The following L3MBTL1 variants were observed in gnomAD, a reference collection of about 807,000 sequenced individuals.
L3MBTL1 encodes lethal(3)malignant brain tumor-like protein 1.
L3MBTL1 carries 75 observed loss-of-function variants against 105.3 expected under a neutral mutation model. The observed-to-expected ratio is 0.71, with a 90% confidence interval of 0.59 to 0.86. The LOEUF (loss-of-function observed/expected upper bound fraction) is 0.86, where lower values mean the gene tolerates loss of function less well. Among genes scored for constraint, L3MBTL1 ranks in the 40% least tolerant of loss-of-function variants. The probability of loss-of-function intolerance (pLI) is 0.00; values close to 1 mark genes in which losing one functional copy is unlikely to be tolerated. For synonymous variants in L3MBTL1, 452 were observed against 436.2 expected (o/e 1.04, Z -0.45); for missense variants, 1,069 against 1,126.4 (o/e 0.95, Z 0.73).
chr20:43,525,464 C>T (rs749361253), intron 7 of L3MBTL1, among the ~76,000 whole-genome samples: 14 of 152,198 alleles, frequency 9.2e-5, no homozygotes, highest in Non-Finnish European at 1.5e-4. Flanking sequence ...ACAGTAGACT[C>T]AGCCACTTGG....
intron 7 of L3MBTL1, among the ~76,000 whole-genome samples, chr20:43,518,922 AG>A (rs2018555977): frequency 7.2e-6 from 1 of 139,480 alleles, no homozygotes; most frequent in African/African-American, 2.6e-5. Flanking sequence ...GCTACTCGGG[AG>A]GCTGAGGCAG....
chr20:43,518,683 C>T (rs1158151955), intron 7 of L3MBTL1, among the ~76,000 whole-genome samples: 1 of 151,540 alleles, frequency 6.6e-6, no homozygotes, highest in African/African-American at 2.4e-5. Context: ...GTTTTTTTTC[C>T]TATCCATACC....
intron 3 of L3MBTL1, chr20:43,514,335 G>T: frequency 9.2e-7 from 1 of 1,092,716 alleles, no homozygotes; most frequent in Non-Finnish European, 1.3e-6. Flanking sequence ...ACCCTGAGTG[G>T]GCCTGTGTTA....
chr20:43,518,427 A>G (rs1049191833), intron 7 of L3MBTL1, among the ~76,000 whole-genome samples: 3 of 152,162 alleles, frequency 2.0e-5, no homozygotes, highest in African/African-American at 7.2e-5. Context: ...TTAAGAGTTA[A>G]AAACATGTGA....
chr20:43,548,001 C>T, intron 18 of L3MBTL1: 1 of 584,966 alleles, frequency 1.7e-6, no homozygotes, highest in South Asian at 1.9e-5. Context: ...ATATCCTTTA[C>T]TCCTACTCCC....
intron 8 of L3MBTL1, 35 bp downstream of exon 8, chr20:43,528,780 T>A: frequency 6.5e-7 from 1 of 1,539,092 alleles, no homozygotes; most frequent in Non-Finnish European, 9.0e-7. Flanking sequence ...GAACAGCTTG[T>A]CTTCCTAGCC....
Position 43,515,337 on chromosome 20 carries a change from GCTC to G in L3MBTL1, c.703_705del (p.Leu235del). 8 of 1,584,624 alleles carry G rather than the reference GCTC, an allele frequency of 5.0e-6. No individual in the cohort carries two copies. The highest frequency in any genetic ancestry group is 6.9e-6 in the Non-Finnish European group (8 of 1,163,978). On this transcript the variant is annotated inframe_deletion, in exon 6 of 22. Transcript: ENST00000418998. ...CCTCAGGCTCTACCAGCGCTTCTGA[GCTC>G]CTCAAACCCATGAAGAAGAGGAAGC... is the stretch of plus-strand genomic sequence containing the variant.
At chr20:43,528,555 G>T (rs879440818) in intron 7 of L3MBTL1, 102 bp from the exon 8 acceptor site, 3 of 826,504 alleles carry the variant, frequency 3.6e-6, no homozygotes, top group Non-Finnish European at 6.2e-6. Flanking sequence ...CACAGACAAA[G>T]ATTTGTTTTG....
chr20:43,514,835 A>G (rs1235830106), intron 4 of L3MBTL1, 59 bp downstream of exon 4: 2 of 1,478,268 alleles, frequency 1.4e-6, no homozygotes, highest in Non-Finnish European at 1.8e-6. Flanking sequence ...GCGAGGCCTG[A>G]GCCCCAGAAG....
chr20:43,532,713 G>T (rs1227204694), intron 11 of L3MBTL1, 60 bp from the exon 12 acceptor site: 6 of 1,590,372 alleles, frequency 3.8e-6, no homozygotes, highest in East Asian at 4.5e-5. Flanking sequence ...TTGCCAATGG[G>T]CTCTGGGCTG....
At chr20:43,521,753 G>C (rs2018716154) in intron 7 of L3MBTL1, among the ~76,000 whole-genome samples, 1 of 152,118 alleles carries the variant, frequency 6.6e-6, no homozygotes, top group Non-Finnish European at 1.5e-5. Context: ...GGGTCTTACT[G>C]TGTTGCCCAG....
At position 43,513,640 on chromosome 20, in the gene L3MBTL1, G is replaced by C; in HGVS notation, c.136+1G>C. On this transcript the variant is annotated splice_donor_variant, in intron 2 of 21. Transcript: ENST00000418998. LOFTEE classifies it high-confidence loss of function. Reference sequence around the variant, plus strand: ...CCCGCAACTGCCTTCATCATTCCAGGTGAGTCAAGCTAGGGTAGGAGTCTG... The same window carrying C: ...CCCGCAACTGCCTTCATCATTCCAGCTGAGTCAAGCTAGGGTAGGAGTCTG... The C allele has an allele frequency of 6.4e-7, 1 of 1,550,628 alleles. No homozygotes were observed. Among genetic ancestry groups the C allele is most frequent in the Non-Finnish European group, 8.7e-7 (1 of 1,147,014 alleles).
rs1318015358 is a variant in L3MBTL1, at chr20:43,513,961, T to A, written c.260T>A (p.Leu87Gln). The change falls in exon 3 of 22, where the codon CTG becomes CAG. Residue 87 changes from leucine (L) to glutamine (Q), a missense_variant. Coordinates refer to ENST00000418998, the MANE Select transcript of L3MBTL1 (RefSeq NM_001377303.1). ...TGCGAACCAGTTTCTGCCACCGTCC[T>A]GCCGCAGCTTAGCGCCGGGCCGGCC... ...AGCEPVSATV[L>Q]PQLSAGPASS... 6.5e-7 allele frequency: 1 copy of A among 1,549,104 alleles called. No homozygotes were observed. Among genetic ancestry groups the A allele is most frequent in the Non-Finnish European group, 8.7e-7 (1 of 1,146,964 alleles).
In L3MBTL1 at chr20:43,541,143, C is replaced by A. The variant is rs750298804; in HGVS notation, c.*15C>A. ...GTCAATATTAAAGTGTACTTTTTTC[C>A]CCTTTAATCCAATATAGTTGATAAT... On this transcript the variant is annotated 3_prime_UTR_variant, in exon 22 of 22. Coordinates refer to ENST00000418998, the MANE Select transcript of L3MBTL1 (RefSeq NM_001377303.1). The A allele has an allele frequency of 1.9e-6, 3 of 1,607,924 alleles. No individual in the cohort carries two copies. Among genetic ancestry groups the A allele is most frequent in the Non-Finnish European group, 2.6e-6 (3 of 1,175,166 alleles).
intron 10 of L3MBTL1, 86 bp from the exon 11 acceptor site, chr20:43,530,712 C>G: frequency 7.8e-7 from 1 of 1,281,254 alleles, no homozygotes; most frequent in Non-Finnish European, 1.1e-6. Flanking sequence ...CTCAGGCATG[C>G]CTGATTCTGC....
Position 43,507,727 on chromosome 20 carries a change from C to T in L3MBTL1, c.-46C>T, listed in dbSNP as rs1423416474. On this transcript the variant is annotated 5_prime_UTR_variant, in exon 1 of 22. Transcript: ENST00000418998. ...GGACCGTAGCTAGGCGCTGGGCGGCCACCGGCTGGCCAGGCAGGTAAGCAA... is the reference window on the plus strand; with the variant it reads ...GGACCGTAGCTAGGCGCTGGGCGGCTACCGGCTGGCCAGGCAGGTAAGCAA... 1 of 152,116 alleles carries T rather than the reference C, an allele frequency of 6.6e-6. No homozygotes were observed. The highest frequency in any genetic ancestry group is 1.5e-5 in the Non-Finnish European group (1 of 68,008). The allele number at this position is 152,116 out of a possible 1,614,324, so 9.4% of individuals were successfully genotyped here.
At chr20:43,523,398 C>A (rs776732429) in intron 7 of L3MBTL1, 1 of 219,834 alleles carries the variant, frequency 4.5e-6, no homozygotes, top group Non-Finnish European at 9.8e-6. Context: ...AAGGAAAACC[C>A]AAGCATCCCT....
intron 19 of L3MBTL1, among the ~76,000 whole-genome samples, chr20:43,538,339 A>G (rs1269980734): frequency 6.6e-6 from 1 of 152,228 alleles, no homozygotes; most frequent in Non-Finnish European, 1.5e-5. Flanking sequence ...ATCTTTCCAG[A>G]GGCTGAGACT....
chr20:43,522,589 T>C (rs1164135979), intron 7 of L3MBTL1, among the ~76,000 whole-genome samples: 1 of 146,736 alleles, frequency 6.8e-6, no homozygotes, highest in Non-Finnish European at 1.5e-5. Context: ...CCTCCCTCCT[T>C]AGCCTTCTGA....
Sources: gnomAD v4.1 joint callset for allele counts (sites outside exome capture counted in the v4.1 genomes callset) on GRCh38, gnomAD v4.1.1 for gene constraint, MANE v1.5 for transcripts, NCBI Gene and HGNC (gene_info 2026-07-23, HGNC 2026-07-21) for gene names.